CYLD: variants seen among roughly 807,000 people sequenced by gnomAD.
CYLD encodes ubiquitin carboxyl-terminal hydrolase CYLD.
Under a neutral mutation model 104.5 loss-of-function variants are expected in CYLD, and 26 were observed. The observed-to-expected ratio is 0.25, with a 90% CI of 0.18 to 0.35. The LOEUF (loss-of-function observed/expected upper bound fraction) is 0.35, where lower values mean the gene tolerates loss of function less well. Ranked by LOEUF, CYLD falls within the 10% of genes least tolerant of loss-of-function variation. CYLD has a pLI of 1.00. For synonymous variants in CYLD, 385 were observed against 399.9 expected (o/e 0.96, Z 0.45); for missense variants, 703 against 1,136.1 (o/e 0.62, Z 5.48).
chr16:50,784,027 G>A (rs1970561862), intron 11 of CYLD: 7 of 348,278 alleles, frequency 2.0e-5, no homozygotes, highest in South Asian at 1.8e-4. Flanking sequence ...ATCAACTTTT[G>A]CAAAGAAGTT....
intron 8 of CYLD, chr16:50,778,228 C>A (rs1969878837): frequency 4.4e-6 from 1 of 225,488 alleles, no homozygotes; most frequent in African/African-American, 2.3e-5. Context: ...AAAGCACTCC[C>A]TTTTAAAAAA....
At chr16:50,768,091 C>T (rs1232469659) in intron 5 of CYLD, among the ~76,000 whole-genome samples, 1 of 151,998 alleles carries the variant, frequency 6.6e-6, no homozygotes, top group African/African-American at 2.4e-5. Context: ...TTATTGCTGG[C>T]TCAGAGCAGT....
At chr16:50,767,530 G>A (rs74588399) in intron 5 of CYLD, among the ~76,000 whole-genome samples, 2,531 of 147,394 alleles carry the variant, frequency 0.017, 59 homozygotes, top group African/African-American at 0.06. Flanking sequence ...AAAAAAAAAA[G>A]CATTTTAGAT....
intron 5 of CYLD, among the ~76,000 whole-genome samples, chr16:50,759,065 C>A (rs189615405): frequency 0.017 from 2,549 of 151,970 alleles, 60 homozygotes; most frequent in African/African-American, 0.058. Context: ...ATGGCGAACC[C>A]CCCCGTCTCT....
intron 14 of CYLD, among the ~76,000 whole-genome samples, chr16:50,789,984 A>C (rs1971271926): frequency 6.6e-6 from 1 of 152,240 alleles, no homozygotes. Context: ...AATGTTGCAC[A>C]AAGGGATAAA....
At chr16:50,775,308 T>C in intron 6 of CYLD, 134 bp downstream of exon 6, 2 of 685,180 alleles carry the variant, frequency 2.9e-6, no homozygotes, top group Admixed American at 2.5e-5. Flanking sequence ...TGCTGGGCTT[T>C]AAGGTCTAGA....
At chr16:50,773,160 T>G (rs142959965) in intron 5 of CYLD, among the ~76,000 whole-genome samples, 174 of 152,342 alleles carry the variant, frequency 1.1e-3, no homozygotes, top group African/African-American at 3.8e-3. Flanking sequence ...AAGCGGTACA[T>G]TAATTAAACA....
At chr16:50,760,659 C>T (rs143907007) in intron 5 of CYLD, among the ~76,000 whole-genome samples, 40 of 152,132 alleles carry the variant, frequency 2.6e-4, no homozygotes, top group African/African-American at 8.2e-4. Flanking sequence ...TTCCATTGTA[C>T]GGAAAAAAAT....
chr16:50,787,018 T>C (rs1970908625), intron 13 of CYLD, 72 bp downstream of exon 13: 3 of 1,244,548 alleles, frequency 2.4e-6, no homozygotes, highest in Non-Finnish European at 3.6e-6. Context: ...TTAGCTGAAA[T>C]GTGTGTCTGT....
At chr16:50,775,322 G>T (rs1340815473) in intron 6 of CYLD, 148 bp downstream of exon 6, 7 of 535,948 alleles carry the variant, frequency 1.3e-5, no homozygotes, top group Non-Finnish European at 2.2e-5. Context: ...GTCTAGAGTG[G>T]TCTTTGTATT....
chr16:50,757,105 T>G lies in CYLD; in HGVS notation c.913+2681T>G, dbSNP rs1431650778. Among the ~76,000 whole-genome samples, 7 of 150,420 alleles carry G rather than the reference T, an allele frequency of 4.7e-5. No individual in the cohort carries two copies. The East Asian group carries it at 9.7e-4, about 21-fold the overall frequency. The stretch of plus-strand genomic sequence containing the variant: ...ACAATTGAATAAGCAAACTGAATTG[T>G]TTTTTTTTCAGGTCATTTCAGGTCC... On this transcript the variant is annotated intron_variant, in intron 5 of 18. Transcript: ENST00000427738.
At chr16:50,764,471 A>G (rs1473231296) in intron 5 of CYLD, among the ~76,000 whole-genome samples, 6 of 152,174 alleles carry the variant, frequency 3.9e-5, no homozygotes, top group Non-Finnish European at 8.8e-5. Context: ...GTTCAACCTC[A>G]GCAGCATCTG....
At chr16:50,754,944 TAC>T (rs1287952417) in intron 5 of CYLD, among the ~76,000 whole-genome samples, 2 of 147,402 alleles carry the variant, frequency 1.4e-5, no homozygotes, top group Non-Finnish European at 3.0e-5. Flanking sequence ...TATGTATATA[TAC>T]ACACATATAT....
At chr16:50,783,772 C>T (rs1478659979) in intron 11 of CYLD, 1 of 159,592 alleles carries the variant, frequency 6.3e-6, no homozygotes, top group Non-Finnish European at 1.4e-5. Flanking sequence ...CTCCTGACCT[C>T]AGGTGATTCA....
At chr16:50,795,015 C>T (rs746595966) in intron 18 of CYLD, 15 of 163,644 alleles carry the variant, frequency 9.2e-5, no homozygotes, top group Admixed American at 2.9e-4. Context: ...TTTCCAGCTT[C>T]GCTGTCTTCT....
chr16:50,752,000 A>G (rs1966672944), intron 4 of CYLD, 94 bp downstream of exon 4: 1 of 340,862 alleles, frequency 2.9e-6, no homozygotes, highest in Non-Finnish European at 4.6e-6. Flanking sequence ...ACACACATAT[A>G]TATACACACA....
intron 12 of CYLD, chr16:50,786,475 G>T: frequency 5.4e-6 from 1 of 184,314 alleles, no homozygotes. Context: ...TAAGAAATGT[G>T]TTGGCCAGGT....
chr16:50,784,491 G>A (rs2151007086), intron 12 of CYLD, 40 bp downstream of exon 12: 1 of 1,603,162 alleles, frequency 6.2e-7, no homozygotes, highest in Non-Finnish European at 8.5e-7. Flanking sequence ...TTTACATGGT[G>A]TTCTATTTGC....
intron 2 of CYLD, among the ~76,000 whole-genome samples, chr16:50,749,038 C>A (rs1382570540): frequency 1.3e-5 from 2 of 151,830 alleles, no homozygotes; most frequent in Non-Finnish European, 2.9e-5. Context: ...CCTGTCTCTA[C>A]AAAAAATAGA....
Sources: allele counts gnomAD v4.1 joint callset (sites outside exome capture counted in the v4.1 genomes callset), GRCh38; gene constraint gnomAD v4.1.1; transcripts MANE v1.5; gene names NCBI Gene and HGNC (gene_info 2026-07-23, HGNC 2026-07-21).